IFNGR1: variants seen among roughly 807,000 people sequenced by gnomAD.
IFNGR1 encodes interferon gamma receptor 1.
IFNGR1 carries 23 observed loss-of-function variants against 35.4 expected under a neutral mutation model. The ratio of observed to expected loss-of-function variants is 0.65; its 90% CI spans 0.47 to 0.92. The LOEUF is 0.92. Among genes scored for constraint, IFNGR1 ranks in the 40% least tolerant of loss-of-function variants. The pLI is 0.00. For synonymous variants in IFNGR1, 199 were observed against 209.5 expected (o/e 0.95, Z 0.43); for missense variants, 533 against 583.4 (o/e 0.91, Z 0.89).
At chr6:137,200,176 G>C (rs1340463695) in intron 6 of IFNGR1, among the ~76,000 whole-genome samples, 1 of 152,152 alleles carries the variant, frequency 6.6e-6, no homozygotes, top group Non-Finnish European at 1.5e-5. Flanking sequence ...ACTAACTGTT[G>C]AGAGTTCTTA....
At chr6:137,198,982 C>T (rs1352631598) in intron 6 of IFNGR1, among the ~76,000 whole-genome samples, 1 of 152,076 alleles carries the variant, frequency 6.6e-6, no homozygotes, top group African/African-American at 2.4e-5. Context: ...ACATTTGAGT[C>T]AGTGGGCTGG....
At chr6:137,199,197 C>T (rs545666827) in intron 6 of IFNGR1, among the ~76,000 whole-genome samples, 20 of 149,950 alleles carry the variant, frequency 1.3e-4, no homozygotes, top group African/African-American at 4.9e-4. Flanking sequence ...TCTCCTTGCT[C>T]CTCAGCCTGC....
chr6:137,218,068 G>A lies in IFNGR1; in HGVS notation c.85+1175C>T, dbSNP rs186044017. Among the ~76,000 whole-genome samples the A allele has an allele frequency of 1.3e-4, 20 of 152,338 alleles. No homozygotes were observed. In the East Asian group the frequency reaches 3.1e-3, roughly 23 times the overall value. On this transcript the variant is annotated intron_variant, in intron 1 of 6. Transcript: ENST00000367739. ...CTGCCCATGTGGATGACTGACTAGA[G>A]CCTAGAAGAGCAGTTAAGAACTTGG...
chr6:137,203,067 G>A (rs766838010), intron 5 of IFNGR1, among the ~76,000 whole-genome samples: 14 of 151,760 alleles, frequency 9.2e-5, no homozygotes, highest in Middle Eastern at 3.2e-3. Flanking sequence ...TATTAATCTC[G>A]AGTCTTTGTC....
intron 1 of IFNGR1, chr6:137,218,844 C>T: frequency 5.6e-6 from 2 of 356,050 alleles, no homozygotes; most frequent in Non-Finnish European, 1.1e-5. Context: ...GCAACCGTAG[C>T]ATACTAGTGA....
chr6:137,218,475 G>A (rs1016765920), intron 1 of IFNGR1: 4 of 1,288,468 alleles, frequency 3.1e-6, no homozygotes, highest in Non-Finnish European at 4.0e-6. Flanking sequence ...GTGAGTGCCG[G>A]CAATCCACCA....
At position 137,207,052 on chromosome 6, in the gene IFNGR1, A is replaced by C. The variant is rs762424077; in HGVS notation, c.111T>G (p.Ile37Met). 8 of 1,614,016 alleles carry C rather than the reference A, an allele frequency of 5.0e-6. No homozygotes were observed. In the African/African-American group the frequency reaches 9.3e-5, roughly 19 times the overall value. The change falls in exon 2 of 7, where the codon ATT becomes ATG. Residue 37 changes from isoleucine to methionine, a missense_variant. Ile to Met is a conservative substitution (Grantham distance 10). Transcript: ENST00000367739. The part of the protein sequence containing the change: ...SSVPTPTNVT[I>M]ESYNMNPIVY... The stretch of plus-strand genomic sequence containing the variant: ...CGATAGGGTTCATGTTATAGGATTC[A>C]ATTGTAACATTAGTTGGTGTAGGCA...
chr6:137,216,624 G>A (rs1779702671), intron 1 of IFNGR1, among the ~76,000 whole-genome samples: 1 of 152,172 alleles, frequency 6.6e-6, no homozygotes, highest in Non-Finnish European at 1.5e-5. Flanking sequence ...GTAAGAATAA[G>A]GCTGGGAAGC....
Position 137,206,521 on chromosome 6 carries a change from T to C in IFNGR1, c.201-213A>G, listed in dbSNP as rs1779433662. ...TACAGTAAAGAGGCTCAATTCAAAA[T>C]GTAAGACCTATGCAAGCCACATTCC... is the stretch of plus-strand genomic sequence containing the variant. On this transcript the variant is annotated intron_variant, in intron 2 of 6. Coordinates refer to ENST00000367739, the MANE Select transcript of IFNGR1 (RefSeq NM_000416.3). 12 of 533,808 alleles carry C rather than the reference T, an allele frequency of 2.2e-5. 1 individual carries two copies. In the South Asian group the frequency reaches 2.8e-4, roughly 13 times the overall value. 33.1% of individuals were successfully genotyped at this position (533,808 alleles called of 1,614,324 possible).
chr6:137,219,096 C>T, intron 1 of IFNGR1, 147 bp downstream of exon 1: 2 of 1,010,940 alleles, frequency 2.0e-6, no homozygotes, highest in Non-Finnish European at 2.9e-6. Flanking sequence ...GACCCCACCT[C>T]GCGTCCCCGT....
chr6:137,198,020 C>T lies in IFNGR1; in HGVS notation c.*11G>A. The T allele has an allele frequency of 6.2e-7, 1 of 1,613,896 alleles. No homozygotes were observed. ...AAATCAGACTTCAAAGTTGGTGCAA[C>T]TTAGCTGATCTCATGAAAATTCTTT... On this transcript the variant is annotated 3_prime_UTR_variant, in exon 7 of 7. Coordinates refer to ENST00000367739, the MANE Select transcript of IFNGR1 (RefSeq NM_000416.3).
chr6:137,209,413 G>C (rs1779523350), intron 1 of IFNGR1, among the ~76,000 whole-genome samples: 1 of 152,134 alleles, frequency 6.6e-6, no homozygotes, highest in Non-Finnish European at 1.5e-5. Flanking sequence ...AACTTGAATT[G>C]TATCTCTTGG....
At position 137,197,856 on chromosome 6, in the gene IFNGR1, C is replaced by A. The variant is rs1582626300; in HGVS notation, c.*175G>T. 2 of 746,494 alleles carry A rather than the reference C, an allele frequency of 2.7e-6. No homozygotes were observed. Among genetic ancestry groups the A allele is most frequent in the Non-Finnish European group, 4.2e-6 (2 of 474,618 alleles). The allele number at this position is 746,494 out of a possible 1,614,324, so 46.2% of individuals were successfully genotyped here. ...AAAAAAAAAAAAAGTCTGTACTTTA[C>A]AAGCCAAAAGTGAAAATGCCACACA... On this transcript the variant is annotated 3_prime_UTR_variant, in exon 7 of 7. Coordinates refer to ENST00000367739, the MANE Select transcript of IFNGR1 (RefSeq NM_000416.3).
chr6:137,200,565 A>G (rs760742081), intron 6 of IFNGR1, among the ~76,000 whole-genome samples: 12 of 152,194 alleles, frequency 7.9e-5, no homozygotes, highest in Admixed American at 3.3e-4. Flanking sequence ...CAAAGTCCTC[A>G]TGGGCTCAGG....
chr6:137,217,018 G>A lies in IFNGR1; in HGVS notation c.85+2225C>T, dbSNP rs1347090449. 3.3e-5 allele frequency among the ~76,000 whole-genome samples: 5 copies of A among 152,170 alleles called. No individual in the cohort carries two copies. The East Asian group carries it at 5.8e-4, about 18-fold the overall frequency. ...AATTGTGCACTCACAGGGGTCACAC[G>A]GTGCACTCATAGGGCCCCGTATTCA... is the stretch of plus-strand genomic sequence containing the variant. On this transcript the variant is annotated intron_variant, in intron 1 of 6. Transcript: ENST00000367739.
chr6:137,207,167 A>G, intron 1 of IFNGR1, 90 bp from the exon 2 acceptor site: 1 of 1,509,238 alleles, frequency 6.6e-7, no homozygotes, highest in Non-Finnish European at 9.0e-7. Flanking sequence ...CATTGCCCAG[A>G]TATGTATATT....
At position 137,206,319 on chromosome 6, in the gene IFNGR1, T is replaced by TA. The variant is rs753497013; in HGVS notation, c.201-12dup. ...TCTGAATTCTTAACACTAAAAAGAA[T>TA]AAAAAAATGCGAAGATAACTTTTAT... On this transcript the variant is annotated splice_polypyrimidine_tract_variant and intron_variant, in intron 2 of 6. Transcript: ENST00000367739. The TA allele has an allele frequency of 2.5e-6, 4 of 1,581,474 alleles. No individual in the cohort carries two copies. The highest frequency in any genetic ancestry group is 3.5e-6 in the Non-Finnish European group (4 of 1,151,466).
At chr6:137,202,195 G>A (rs1201880703) in intron 5 of IFNGR1, among the ~76,000 whole-genome samples, 1 of 152,212 alleles carries the variant, frequency 6.6e-6, no homozygotes. Flanking sequence ...AGTGCTGTTA[G>A]AAGTCCCACG....
At chr6:137,201,062 C>G (rs1779266682) in intron 5 of IFNGR1, 54 bp from the exon 6 acceptor site, 3 of 1,581,572 alleles carry the variant, frequency 1.9e-6, no homozygotes, top group Non-Finnish European at 2.6e-6. Context: ...CTGCTATTAT[C>G]TATCAAAAAG....
Sources: gnomAD v4.1 joint callset for allele counts (sites outside exome capture counted in the v4.1 genomes callset) on GRCh38, gnomAD v4.1.1 for gene constraint, MANE v1.5 for transcripts, NCBI Gene and HGNC (gene_info 2026-07-23, HGNC 2026-07-21) for gene names.